Variants in ZFPM2 observed in about 807,000 individuals in gnomAD.
The protein encoded by ZFPM2 is zinc finger protein, FOG family member 2, also known as zinc finger protein ZFPM2.
In ZFPM2, 20 loss-of-function variants were observed where a neutral mutation model predicts 98.6. The observed-to-expected ratio is 0.20, with a 90% confidence interval of 0.14 to 0.29. The LOEUF is 0.29. Among genes scored for constraint, ZFPM2 ranks in the 10% least tolerant of loss-of-function variants. ZFPM2 has a pLI of 1.00. For missense variants in ZFPM2, 1,310 were observed against 1,388.6 expected, an observed-to-expected ratio of 0.94 and a Z score of 0.90; for synonymous variants, 518 against 502.7, an observed-to-expected ratio of 1.03 and a Z score of -0.41.
chr8:105,765,132 C>T (rs559592427), intron 5 of ZFPM2, among the ~76,000 whole-genome samples: 6 of 151,672 alleles, frequency 4.0e-5, no homozygotes, highest in Non-Finnish European at 8.8e-5. Flanking sequence ...ATAAACTATC[C>T]TTTAGAGGTC....
chr8:105,602,944 A>C (rs1816122443), intron 4 of ZFPM2, among the ~76,000 whole-genome samples: 1 of 152,124 alleles, frequency 6.6e-6, no homozygotes, highest in Non-Finnish European at 1.5e-5. Flanking sequence ...ATTTATTCTG[A>C]AAAGCTTATT....
intron 5 of ZFPM2, chr8:105,670,039 A>G (rs144720777): frequency 2.0e-4 from 31 of 152,342 alleles, no homozygotes; most frequent in African/African-American, 6.5e-4. Flanking sequence ...AACAAAGGCA[A>G]GAGTCAAACT....
chr8:105,700,280 T>C (rs1161058869), intron 5 of ZFPM2, among the ~76,000 whole-genome samples: 1 of 152,216 alleles, frequency 6.6e-6, no homozygotes, highest in East Asian at 1.9e-4. Flanking sequence ...CGACTTAGCC[T>C]GAATTGATTT....
intron 3 of ZFPM2, among the ~76,000 whole-genome samples, chr8:105,548,233 G>A (rs1814758515): frequency 6.6e-6 from 1 of 151,936 alleles, no homozygotes; most frequent in South Asian, 2.1e-4. Flanking sequence ...TGCTGGAGGC[G>A]ATAACTTTCA....
At chr8:105,573,382 G>A (rs1241368988) in intron 4 of ZFPM2, among the ~76,000 whole-genome samples, 1 of 152,140 alleles carries the variant, frequency 6.6e-6, no homozygotes, top group African/African-American at 2.4e-5. Flanking sequence ...TGCCACAGAA[G>A]GTAATTTGCA....
chr8:105,374,163 A>G (rs919187094), intron 1 of ZFPM2, among the ~76,000 whole-genome samples: 1 of 152,186 alleles, frequency 6.6e-6, no homozygotes, highest in African/African-American at 2.4e-5. Context: ...GGCAGAGCCT[A>G]GAGGAAATTA....
chr8:105,459,454 T>A (rs1264247383), intron 3 of ZFPM2, among the ~76,000 whole-genome samples: 1 of 152,104 alleles, frequency 6.6e-6, no homozygotes, highest in African/African-American at 2.4e-5. Flanking sequence ...TCAACCAAAC[T>A]CCACTACTTT....
chr8:105,647,120 CT>C (rs1265578740), intron 5 of ZFPM2, among the ~76,000 whole-genome samples: 1 of 152,136 alleles, frequency 6.6e-6, no homozygotes, highest in Non-Finnish European at 1.5e-5. Context: ...CGAAATCTGC[CT>C]GCTTCTTGTT....
chr8:105,504,270 T>A (rs1283130337), intron 3 of ZFPM2, among the ~76,000 whole-genome samples: 1 of 152,166 alleles, frequency 6.6e-6, no homozygotes, highest in Non-Finnish European at 1.5e-5. Context: ...AGAATATGGT[T>A]GACTGAGAGT....
chr8:105,536,798 G>A (rs1814462497), intron 3 of ZFPM2, among the ~76,000 whole-genome samples: 3 of 152,242 alleles, frequency 2.0e-5, no homozygotes, highest in African/African-American at 7.2e-5. Flanking sequence ...CTCCCTTTTG[G>A]AACCTGTAGG....
intron 2 of ZFPM2, among the ~76,000 whole-genome samples, chr8:105,436,512 CA>C (rs11295878): frequency 0.37 from 37,372 of 100,476 alleles, 4,926 homozygotes; most frequent in African/African-American, 0.45. Context: ...AACTCCGTCT[CA>C]AAAAAAAAAA....
chr8:105,645,170 C>T (rs1010313405), intron 5 of ZFPM2, among the ~76,000 whole-genome samples: 3 of 152,080 alleles, frequency 2.0e-5, no homozygotes, highest in Non-Finnish European at 2.9e-5. Flanking sequence ...TTTTCTTTAA[C>T]ATAGAAAGCT....
intron 4 of ZFPM2, among the ~76,000 whole-genome samples, chr8:105,597,541 A>G (rs1815997090): frequency 6.6e-6 from 1 of 152,118 alleles, no homozygotes; most frequent in South Asian, 2.1e-4. Flanking sequence ...AAAAGTAGTC[A>G]TTAAAGAGTA....
At chr8:105,622,386 A>G (rs973777120) in intron 4 of ZFPM2, among the ~76,000 whole-genome samples, 3 of 152,136 alleles carry the variant, frequency 2.0e-5, no homozygotes, top group African/African-American at 7.2e-5. Context: ...ATTTTCTCTT[A>G]TGACTGAGAA....
At chr8:105,627,909 T>A in intron 4 of ZFPM2, among the ~76,000 whole-genome samples, 1 of 152,342 alleles carries the variant, frequency 6.6e-6, no homozygotes, top group East Asian at 1.9e-4. Context: ...ATAATGACTA[T>A]CACAACCTTT....
chr8:105,418,661 A>T, intron 1 of ZFPM2: 1 of 510,550 alleles, frequency 2.0e-6, no homozygotes, highest in African/African-American at 2.0e-5. Flanking sequence ...CTCAGAATCC[A>T]CTCTTAAGAT....
chr8:105,577,053 G>A (rs1815483168), intron 4 of ZFPM2, among the ~76,000 whole-genome samples: 1 of 151,996 alleles, frequency 6.6e-6, no homozygotes, highest in Non-Finnish European at 1.5e-5. Context: ...GAATCTAGTA[G>A]CAAGTAAATG....
chr8:105,382,077 C>T (rs1810900524), intron 1 of ZFPM2, among the ~76,000 whole-genome samples: 1 of 152,086 alleles, frequency 6.6e-6, no homozygotes, highest in South Asian at 2.1e-4. Context: ...CCTGACCTCC[C>T]ACAAGATAAG....
chr8:105,646,450 C>G (rs1000528147), intron 5 of ZFPM2, among the ~76,000 whole-genome samples: 2 of 152,124 alleles, frequency 1.3e-5, no homozygotes, highest in Non-Finnish European at 1.5e-5. Flanking sequence ...ATCTGACCTC[C>G]TATCCTGTCA....
Sources: allele counts gnomAD v4.1 joint callset (sites outside exome capture counted in the v4.1 genomes callset), GRCh38; gene constraint gnomAD v4.1.1; transcripts MANE v1.5; gene names NCBI Gene and HGNC (gene_info 2026-07-23, HGNC 2026-07-21).